ZRANB3: variants seen among roughly 807,000 people sequenced by gnomAD.
ZRANB3 encodes DNA annealing helicase and endonuclease ZRANB3.
ZRANB3 carries 125 observed loss-of-function variants against 133.8 expected under a neutral mutation model. The ratio of observed to expected loss-of-function variants is 0.93; its 90% CI spans 0.81 to 1.08. The LOEUF is 1.08. Among genes scored for constraint, ZRANB3 ranks in the 50% least tolerant of loss-of-function variants. ZRANB3 has a pLI of 0.00. For missense variants in ZRANB3, 1,229 were observed against 1,275.5 expected (o/e 0.96, Z 0.56); for synonymous variants, 387 against 432.7 (o/e 0.89, Z 1.31).
At chr2:135,276,870 TGG>T (rs1680849536) in intron 8 of ZRANB3, among the ~76,000 whole-genome samples, 1 of 152,138 alleles carries the variant, frequency 6.6e-6, no homozygotes. Context: ...ACCTCTGGAA[TGG>T]GGGGTAGGAG....
intron 2 of ZRANB3, among the ~76,000 whole-genome samples, chr2:135,415,791 G>C (rs1245736298): frequency 6.6e-6 from 1 of 152,174 alleles, no homozygotes; most frequent in Non-Finnish European, 1.5e-5. Context: ...TGGGATGCAA[G>C]GTTGGTTCAA....
Position 135,353,563 on chromosome 2 carries a change from C to T in ZRANB3, c.246G>A (p.Leu82=), listed in dbSNP as rs1240493678. The change falls in exon 4 of 21, where the codon CTG becomes CTA. Residue 82 remains leucine, a synonymous_variant. Coordinates refer to ENST00000264159, the MANE Select transcript of ZRANB3 (RefSeq NM_032143.4). The stretch of plus-strand genomic sequence containing the variant: ...TCAGAGACGAAGGGACCACTATTAA[C>T]AGAGGCCATTCCTCTTTATAGAAGT... ...ITYFYKEEWP[L]LIVVPSSLRY... 2.5e-6 allele frequency: 4 copies of T among 1,608,636 alleles called. No homozygotes were observed. In the Admixed American group the frequency reaches 6.7e-5, roughly 27 times the overall value.
intron 8 of ZRANB3, among the ~76,000 whole-genome samples, chr2:135,277,581 T>C (rs1349490743): frequency 6.6e-6 from 1 of 152,100 alleles, no homozygotes; most frequent in African/African-American, 2.4e-5. Context: ...CAGAAATGGA[T>C]AATTCATTGG....
chr2:135,512,987 G>A (rs1427713775), intron 1 of ZRANB3, among the ~76,000 whole-genome samples: 1 of 152,142 alleles, frequency 6.6e-6, no homozygotes, highest in African/African-American at 2.4e-5. Context: ...TGCAAAGACA[G>A]GAGTATTATT....
chr2:135,446,837 G>C (rs1366856993), intron 2 of ZRANB3, among the ~76,000 whole-genome samples: 1 of 152,034 alleles, frequency 6.6e-6, no homozygotes, highest in Non-Finnish European at 1.5e-5. Context: ...GAGTAGAAAA[G>C]GTGTGAGCTG....
intron 6 of ZRANB3, among the ~76,000 whole-genome samples, chr2:135,338,526 GCTAC>G (rs1451092906): frequency 1.3e-5 from 2 of 152,230 alleles, no homozygotes; most frequent in Admixed American, 6.5e-5. Context: ...GGCATCAGAG[GCTAC>G]CATGTTGACA....
intron 19 of ZRANB3, among the ~76,000 whole-genome samples, chr2:135,203,999 A>G (rs1693743638): frequency 6.6e-6 from 1 of 152,232 alleles, no homozygotes; most frequent in African/African-American, 2.4e-5. Context: ...AAATATCACA[A>G]AGATGAGTAT....
intron 3 of ZRANB3, among the ~76,000 whole-genome samples, chr2:135,362,072 C>T (rs962170928): frequency 2.0e-5 from 3 of 152,074 alleles, no homozygotes; most frequent in East Asian, 3.9e-4. Context: ...GTGGCGGACA[C>T]CTGTAGTCCC....
chr2:135,266,305 A>C (rs2105113522), intron 11 of ZRANB3, among the ~76,000 whole-genome samples: 1 of 152,364 alleles, frequency 6.6e-6, no homozygotes, highest in East Asian at 1.9e-4. Context: ...AGCAGGCCCT[A>C]AAACAAATTG....
At chr2:135,433,821 C>T (rs969120617) in intron 2 of ZRANB3, among the ~76,000 whole-genome samples, 1 of 147,308 alleles carries the variant, frequency 6.8e-6, no homozygotes, top group African/African-American at 2.7e-5. Flanking sequence ...CTGGTGAAAC[C>T]CTGTCTCTAC....
At chr2:135,367,167 T>C (rs1029382401) in intron 3 of ZRANB3, among the ~76,000 whole-genome samples, 2 of 152,228 alleles carry the variant, frequency 1.3e-5, no homozygotes, top group Admixed American at 1.3e-4. Context: ...GTGCTCAGAA[T>C]TCATACTTTA....
At chr2:135,517,464 G>A (rs965340398) in intron 1 of ZRANB3, among the ~76,000 whole-genome samples, 5 of 152,226 alleles carry the variant, frequency 3.3e-5, no homozygotes, top group African/African-American at 7.2e-5. Flanking sequence ...TTGTGTGAGC[G>A]TCCTTTTTGT....
intron 2 of ZRANB3, among the ~76,000 whole-genome samples, chr2:135,483,017 G>A (rs1263563072): frequency 2.0e-5 from 3 of 152,094 alleles, no homozygotes; most frequent in Non-Finnish European, 1.5e-5. Context: ...GATTCGGTTT[G>A]CCAATATTTT....
In ZRANB3 at chr2:135,510,170, C is replaced by T. The variant is rs149509261; in HGVS notation, c.-7-5674G>A. On this transcript the variant is annotated intron_variant, in intron 1 of 20. Coordinates refer to ENST00000264159, the MANE Select transcript of ZRANB3 (RefSeq NM_032143.4). ...AAACACACAGAAAGTAAGAAATATT[C>T]CAATGAATGAAACGTACCAAATGTC... Among the ~76,000 whole-genome samples the T allele has an allele frequency of 4.2e-3, 644 of 152,192 alleles. 15 individuals carry two copies. The highest frequency in any genetic ancestry group is 0.036 in the Admixed American group (556 of 15,286).
At chr2:135,327,907 A>C (rs1211966772) in intron 6 of ZRANB3, among the ~76,000 whole-genome samples, 1 of 152,194 alleles carries the variant, frequency 6.6e-6, no homozygotes, top group Non-Finnish European at 1.5e-5. Flanking sequence ...ATTGTGATAA[A>C]GACATATTAC....
intron 3 of ZRANB3, among the ~76,000 whole-genome samples, chr2:135,365,579 A>C (rs963792697): frequency 6.6e-6 from 1 of 152,244 alleles, no homozygotes; most frequent in Admixed American, 6.5e-5. Context: ...TAAATTTTCT[A>C]TGTTGTTTAC....
At chr2:135,208,242 G>A (rs963915314) in intron 18 of ZRANB3, among the ~76,000 whole-genome samples, 1 of 152,146 alleles carries the variant, frequency 6.6e-6, no homozygotes, top group South Asian at 2.1e-4. Flanking sequence ...AGCTCAGAGA[G>A]GTAATTACAA....
chr2:135,198,884 CT>C lies in ZRANB3; in HGVS notation c.*1457del, dbSNP rs1334770314. ...TGTATAATCTTTCTAAAAACAAGTCCTTTATGTTGTAAAACACTAGCTATTA... is the reference window on the plus strand; with the variant it reads ...TGTATAATCTTTCTAAAAACAAGTCCTTATGTTGTAAAACACTAGCTATTA... On this transcript the variant is annotated 3_prime_UTR_variant, in exon 21 of 21. Transcript: ENST00000264159. 6.6e-6 allele frequency: 1 copy of C among 152,174 alleles called. No individual in the cohort carries two copies. Among genetic ancestry groups the C allele is most frequent in the Admixed American group, 6.5e-5 (1 of 15,286 alleles). The allele number at this position is 152,174 out of a possible 1,614,324, so 9.4% of individuals were successfully genotyped here.
At chr2:135,330,918 C>A (rs537769540) in intron 6 of ZRANB3, among the ~76,000 whole-genome samples, 1 of 151,874 alleles carries the variant, frequency 6.6e-6, no homozygotes, top group Non-Finnish European at 1.5e-5. Context: ...TTTTTTATTG[C>A]GTCTATTTGA....
Sources: allele counts gnomAD v4.1 joint callset (sites outside exome capture counted in the v4.1 genomes callset), GRCh38; gene constraint gnomAD v4.1.1; transcripts MANE v1.5; gene names NCBI Gene and HGNC (gene_info 2026-07-23, HGNC 2026-07-21).